Variants in PIP5K1A observed in about 807,000 individuals in gnomAD.
PIP5K1A encodes the protein phosphatidylinositol-4-phosphate 5-kinase type 1 alpha.
Under a neutral mutation model 72.9 loss-of-function variants are expected in PIP5K1A, and 46 were observed. That is an observed-to-expected ratio of 0.63 (90% CI 0.50 to 0.81). The LOEUF (loss-of-function observed/expected upper bound fraction) is 0.81. PIP5K1A is among the 30% of genes least tolerant of loss of function. The pLI, the probability that PIP5K1A is intolerant of heterozygous loss-of-function variation, is 0.00. For synonymous variants in PIP5K1A, 228 were observed against 255.1 expected (o/e 0.89, Z 1.01); for missense variants, 458 against 706.1 (o/e 0.65, Z 3.98).
chr1:151,216,207 G>T (rs2102246426), intron 1 of PIP5K1A, among the ~76,000 whole-genome samples: 1 of 152,148 alleles, frequency 6.6e-6, no homozygotes, highest in South Asian at 2.1e-4. Context: ...AAATTAGCTG[G>T]GCATGGTGGC....
chr1:151,244,361 G>A (rs1692190430), intron 14 of PIP5K1A, among the ~76,000 whole-genome samples: 1 of 152,054 alleles, frequency 6.6e-6, no homozygotes, highest in South Asian at 2.1e-4. Flanking sequence ...ATGATTTAAA[G>A]TATATGGAGG....
chr1:151,197,027 A>AT (rs1338980855), upstream of PIP5K1A, among the ~76,000 whole-genome samples: 2 of 149,034 alleles, frequency 1.3e-5, no homozygotes, highest in African/African-American at 2.5e-5. Context: ...CGCCCAGCTA[A>AT]TTTTTTGTAT....
intron 4 of PIP5K1A, among the ~76,000 whole-genome samples, chr1:151,231,023 T>C (rs758221106): frequency 2.9e-4 from 44 of 152,088 alleles, no homozygotes; most frequent in Non-Finnish European, 5.6e-4. Flanking sequence ...CTGACCAACA[T>C]AGTGAAACCC....
chr1:151,238,266 G>A lies in PIP5K1A; in HGVS notation c.1229+1G>A. On this transcript the variant is annotated splice_donor_variant, in intron 10 of 15. Transcript: ENST00000368888. LOFTEE classifies it high-confidence loss of function. ...TCATTGACATTCTACAGTCTTACAG[G>A]TGAGGAGCATATGGATCCCAAATTA... 3.1e-6 allele frequency: 5 copies of A among 1,588,284 alleles called. No homozygotes were observed. Among genetic ancestry groups the A allele is most frequent in the Non-Finnish European group, 4.3e-6 (5 of 1,156,498 alleles).
At chr1:151,236,843 T>A (rs1203231999) in intron 9 of PIP5K1A, 80 bp downstream of exon 9, 18 of 940,318 alleles carry the variant, frequency 1.9e-5, no homozygotes, top group Non-Finnish European at 2.8e-5. Flanking sequence ...TTTTTTTTTT[T>A]AGTTTCACTC....
chr1:151,246,548 C>A (rs1457938217), intron 14 of PIP5K1A, among the ~76,000 whole-genome samples: 1 of 152,116 alleles, frequency 6.6e-6, no homozygotes, highest in Non-Finnish European at 1.5e-5. Context: ...CATTCCATCT[C>A]CTGTGCTGCA....
At chr1:151,244,445 G>T (rs1408726175) in intron 14 of PIP5K1A, among the ~76,000 whole-genome samples, 2 of 152,164 alleles carry the variant, frequency 1.3e-5, no homozygotes, top group Non-Finnish European at 2.9e-5. Flanking sequence ...CTTGAGCCTA[G>T]GAGTTTAAGA....
intron 8 of PIP5K1A, among the ~76,000 whole-genome samples, chr1:151,236,078 G>A (rs1690803914): frequency 6.9e-6 from 1 of 144,338 alleles, no homozygotes; most frequent in Admixed American, 7.1e-5. Flanking sequence ...CCAAGATCGC[G>A]CCACTGTACT....
chr1:151,241,970 T>TA, intron 12 of PIP5K1A, 153 bp from the exon 13 acceptor site: 1 of 716,592 alleles, frequency 1.4e-6, no homozygotes, highest in Admixed American at 2.2e-5. Flanking sequence ...CTCTGAATAG[T>TA]AATTCATAGG....
chr1:151,201,176 T>G (rs1178998284), intron 1 of PIP5K1A, among the ~76,000 whole-genome samples: 1 of 152,092 alleles, frequency 6.6e-6, no homozygotes, highest in Non-Finnish European at 1.5e-5. Flanking sequence ...ATTTGAAACC[T>G]GCTTCCCCTC....
intron 12 of PIP5K1A, among the ~76,000 whole-genome samples, chr1:151,241,183 C>T (rs769568311): frequency 7.3e-5 from 11 of 151,038 alleles, no homozygotes; most frequent in Non-Finnish European, 1.6e-4. Flanking sequence ...TTATCTTTCT[C>T]AGGTTTTACT....
rs767803405 is a variant in PIP5K1A, at chr1:151,242,223, T to TG, written c.1468dup (p.Glu490GlyfsTer22). 9.3e-6 allele frequency: 15 copies of TG among 1,614,058 alleles called. No homozygotes were observed. On this transcript the variant is annotated frameshift_variant, in exon 13 of 16. Coordinates refer to ENST00000368888, the MANE Select transcript of PIP5K1A (RefSeq NM_001135638.2). LOFTEE classifies it high-confidence loss of function. ...GCATTACTTACCAGCCATCGGTCTCTGGGGAACACAAGGCACAAGTGACAA... is the reference window on the plus strand; with the variant it reads ...GCATTACTTACCAGCCATCGGTCTCTGGGGGAACACAAGGCACAAGTGACAA...
chr1:151,207,681 G>A (rs778161046), intron 1 of PIP5K1A, among the ~76,000 whole-genome samples: 52 of 151,710 alleles, frequency 3.4e-4, no homozygotes, highest in Admixed American at 5.9e-4. Context: ...ACAGGCGCAC[G>A]CCACCACGCC....
chr1:151,204,217 C>A (rs1436956112), intron 1 of PIP5K1A, among the ~76,000 whole-genome samples: 3 of 152,048 alleles, frequency 2.0e-5, no homozygotes, highest in African/African-American at 7.2e-5. Flanking sequence ...GCTCTTGTTG[C>A]CCTGGTTGGA....
intron 11 of PIP5K1A, 69 bp from the exon 12 acceptor site, chr1:151,239,886 A>G: frequency 9.3e-7 from 1 of 1,078,042 alleles, no homozygotes; most frequent in Non-Finnish European, 1.4e-6. Flanking sequence ...GTCTGGGGGA[A>G]GATGGCCCTT....
intron 1 of PIP5K1A, among the ~76,000 whole-genome samples, chr1:151,205,321 G>A (rs1685776513): frequency 6.6e-6 from 1 of 152,098 alleles, no homozygotes; most frequent in East Asian, 1.9e-4. Context: ...GATCACAGGC[G>A]TGCGCCACCA....
At chr1:151,195,884 A>ATTTTTTTTTT, upstream of PIP5K1A, among the ~76,000 whole-genome samples, 215 of 62,306 alleles carry the variant, frequency 3.5e-3, 62 homozygotes, top group African/African-American at 4.5e-3. Context: ...ACACCAGCCG[A>ATTTTTTTTTT]TTTTTTTTTT....
At chr1:151,234,170 T>G in intron 7 of PIP5K1A, 27 bp from the exon 8 acceptor site, 1 of 1,556,702 alleles carries the variant, frequency 6.4e-7, no homozygotes, top group Non-Finnish European at 8.7e-7. Context: ...GTTGTTCTCC[T>G]ACTTCTGTTT....
At chr1:151,246,855 G>T in intron 14 of PIP5K1A, 65 bp from the exon 15 acceptor site, 1 of 1,178,860 alleles carries the variant, frequency 8.5e-7, no homozygotes, top group South Asian at 1.3e-5. Flanking sequence ...GATTTAAAAG[G>T]AGAGTCCTTT....
Sources: gnomAD v4.1 joint callset for allele counts (sites outside exome capture counted in the v4.1 genomes callset) on GRCh38, gnomAD v4.1.1 for gene constraint, MANE v1.5 for transcripts, NCBI Gene and HGNC (gene_info 2026-07-23, HGNC 2026-07-21) for gene names.